Variants in LRP1B observed in about 807,000 individuals in gnomAD.
The protein encoded by LRP1B is low-density lipoprotein receptor-related protein 1B.
In LRP1B, 217 loss-of-function variants were observed where a neutral mutation model predicts 556.6. The observed-to-expected ratio is 0.39, with a 90% CI of 0.35 to 0.44. LRP1B has a LOEUF of 0.44. LRP1B is among the 20% of genes least tolerant of loss of function. The pLI is 1.00. For missense variants in LRP1B, 5,053 were observed against 5,620.8 expected (o/e 0.90, Z 3.23); for synonymous variants, 2,047 against 1,865.8 (o/e 1.10, Z -2.50).
intron 32 of LRP1B, among the ~76,000 whole-genome samples, chr2:140,804,789 TA>T (rs1286010765): frequency 6.7e-6 from 1 of 148,192 alleles, no homozygotes; most frequent in Non-Finnish European, 1.5e-5. Context: ...TCCCCAAAAA[TA>T]TGAACACTGT....
intron 35 of LRP1B, among the ~76,000 whole-genome samples, chr2:140,717,656 T>C (rs1017285526): frequency 2.4e-4 from 36 of 152,118 alleles, no homozygotes; most frequent in Non-Finnish European, 3.1e-4. Flanking sequence ...ATAATAAATT[T>C]GCCAGCAACT....
At chr2:141,784,011 T>C (rs1325759130) in intron 2 of LRP1B, among the ~76,000 whole-genome samples, 2 of 151,962 alleles carry the variant, frequency 1.3e-5, no homozygotes, top group African/African-American at 4.8e-5. Context: ...GTCAACACAA[T>C]TACTGTGATA....
intron 72 of LRP1B, among the ~76,000 whole-genome samples, chr2:140,364,123 T>G (rs1682643779): frequency 1.3e-5 from 2 of 151,658 alleles, no homozygotes; most frequent in Admixed American, 1.3e-4. Context: ...TAAGACTTTT[T>G]AAGTTTAAAT....
chr2:140,724,114 A>G (rs1687507445), intron 35 of LRP1B, among the ~76,000 whole-genome samples: 1 of 152,200 alleles, frequency 6.6e-6, no homozygotes, highest in African/African-American at 2.4e-5. Context: ...AAAATTGTGC[A>G]AATTTTGTAG....
intron 20 of LRP1B, 82 bp downstream of exon 20, chr2:140,950,153 C>T (rs2105299275): frequency 9.5e-7 from 1 of 1,052,282 alleles, no homozygotes; most frequent in Non-Finnish European, 1.3e-6. Flanking sequence ...TCTTTTTATA[C>T]AATATTCTCT....
At chr2:140,272,473 G>C (rs969761911) in intron 85 of LRP1B, among the ~76,000 whole-genome samples, 4 of 151,886 alleles carry the variant, frequency 2.6e-5, no homozygotes, top group African/African-American at 9.7e-5. Flanking sequence ...AATTGGCTCT[G>C]TTTTAAAGAT....
intron 2 of LRP1B, among the ~76,000 whole-genome samples, chr2:141,630,387 A>G (rs993838558): frequency 6.6e-6 from 1 of 152,236 alleles, no homozygotes; most frequent in Admixed American, 6.5e-5. Flanking sequence ...AAGTCCTCAC[A>G]GGGAATTCTT....
intron 2 of LRP1B, among the ~76,000 whole-genome samples, chr2:141,773,220 G>T (rs1172536402): frequency 2.6e-5 from 4 of 152,088 alleles, no homozygotes; most frequent in African/African-American, 9.7e-5. Flanking sequence ...CTGATTTTAA[G>T]TCCTAATTTG....
At chr2:141,999,972 A>G (rs1702606964) in intron 1 of LRP1B, among the ~76,000 whole-genome samples, 1 of 149,946 alleles carries the variant, frequency 6.7e-6, no homozygotes, top group Admixed American at 6.7e-5. Flanking sequence ...TTTTATATGC[A>G]TATATTTATA....
chr2:141,401,672 A>G, intron 3 of LRP1B, among the ~76,000 whole-genome samples: 1 of 152,304 alleles, frequency 6.6e-6, no homozygotes, highest in East Asian at 1.9e-4. Context: ...ACAATCATGG[A>G]TTTCTAAAAT....
At chr2:141,762,845 T>C (rs1206220909) in intron 2 of LRP1B, among the ~76,000 whole-genome samples, 2 of 152,236 alleles carry the variant, frequency 1.3e-5, no homozygotes, top group African/African-American at 4.8e-5. Flanking sequence ...TATTTGTAAC[T>C]GAGATAGGCT....
At chr2:140,939,967 C>A (rs1695348520) in intron 20 of LRP1B, among the ~76,000 whole-genome samples, 1 of 147,904 alleles carries the variant, frequency 6.8e-6, no homozygotes, top group Admixed American at 6.9e-5. Flanking sequence ...TTCACTGCAA[C>A]CTCCACCTCC....
At chr2:141,243,784 T>A (rs537854622) in intron 5 of LRP1B, among the ~76,000 whole-genome samples, 33 of 152,158 alleles carry the variant, frequency 2.2e-4, no homozygotes, top group Admixed American at 2.2e-3. Flanking sequence ...AGAGACAATC[T>A]TACTAAGCGT....
In LRP1B at chr2:141,810,401, T is replaced by A. The variant is rs1478724249; in HGVS notation, c.83A>T (p.Asp28Val). ...TTCACCAGGATCACACAACTGCTGA[T>A]CTGAAAATGAAAATGTTTCGAAATA... is the stretch of plus-strand genomic sequence containing the variant. ...ARVLTVGADRDQQLCDPGEFL... is the reference protein window; with the variant it reads ...ARVLTVGADRVQQLCDPGEFL... The change falls in exon 2 of 91, where the codon GAT becomes GTT. Residue 28 changes from aspartate to valine, a missense_variant and splice_region_variant. By Grantham distance (152) the Asp-to-Val change is radical. Around this residue, in one of 5 missense-constraint regions of LRP1B, gnomAD observed 3,619 missense variants for 3,931.9 expected, o/e 0.92. Transcript: ENST00000389484. 6.2e-7 allele frequency: 1 copy of A among 1,612,618 alleles called. No individual in the cohort carries two copies. The highest frequency in any genetic ancestry group is 1.1e-5 in the South Asian group (1 of 91,030).
At chr2:140,929,031 T>C (rs1423428096) in intron 20 of LRP1B, among the ~76,000 whole-genome samples, 1 of 152,092 alleles carries the variant, frequency 6.6e-6, no homozygotes, top group African/African-American at 2.4e-5. Flanking sequence ...AGCAGAGAAG[T>C]GACGGTGATA....
At chr2:141,412,988 A>G (rs192049141) in intron 3 of LRP1B, among the ~76,000 whole-genome samples, 1 of 152,266 alleles carries the variant, frequency 6.6e-6, no homozygotes, top group Admixed American at 6.5e-5. Flanking sequence ...GTGCTTTGCA[A>G]GGCCAGAGCA....
At chr2:140,675,965 C>T (rs1185579222) in intron 41 of LRP1B, among the ~76,000 whole-genome samples, 1 of 102,670 alleles carries the variant, frequency 9.7e-6, no homozygotes, top group Non-Finnish European at 2.8e-5. Context: ...ATTATTGATG[C>T]AAGAAAAAAA....
chr2:141,030,664 G>T (rs989756024), intron 11 of LRP1B, among the ~76,000 whole-genome samples: 4 of 151,864 alleles, frequency 2.6e-5, no homozygotes, highest in African/African-American at 9.7e-5. Context: ...TATTTTATAT[G>T]GTTATCAGAC....
chr2:141,392,460 T>A (rs1243008650), intron 3 of LRP1B, among the ~76,000 whole-genome samples: 1 of 96,068 alleles, frequency 1.0e-5, no homozygotes. Context: ...TGTCCTCTCT[T>A]AAAAAAAAAA....
Sources: allele counts gnomAD v4.1 joint callset (sites outside exome capture counted in the v4.1 genomes callset), GRCh38; gene constraint gnomAD v4.1.1; regional missense constraint gnomAD v4.1.1; transcripts MANE v1.5; gene names NCBI Gene and HGNC (gene_info 2026-07-23, HGNC 2026-07-21).